Variants in SLAMF6 observed in about 807,000 individuals in gnomAD.
SLAMF6 encodes NK-T-B-antigen.
A neutral mutation model predicts 38.3 loss-of-function variants in SLAMF6; 21 were observed. That is an observed-to-expected ratio of 0.55 (90% confidence interval 0.39 to 0.79). SLAMF6 has a LOEUF of 0.79. SLAMF6 is among the 30% of genes least tolerant of loss of function. The pLI, the probability that SLAMF6 is intolerant of heterozygous loss-of-function variation, is 0.00. For missense variants in SLAMF6, 341 were observed against 385.3 expected (o/e 0.89, Z 0.96); for synonymous variants, 152 against 146.3 (o/e 1.04, Z -0.28).
chr1:160,515,392 G>A (rs1330823977), intron 1 of SLAMF6, among the ~76,000 whole-genome samples: 1 of 152,106 alleles, frequency 6.6e-6, no homozygotes, highest in African/African-American at 2.4e-5. Context: ...AAAAGCCCAG[G>A]ACCAGAAGGA....
intron 1 of SLAMF6, among the ~76,000 whole-genome samples, chr1:160,501,108 A>T (rs1262783694): frequency 1.3e-5 from 2 of 152,216 alleles, no homozygotes; most frequent in Admixed American, 6.5e-5. Context: ...TTGTTTATTC[A>T]TTCTGGTGTT....
intron 1 of SLAMF6, among the ~76,000 whole-genome samples, chr1:160,504,115 G>A (rs1288292611): frequency 6.6e-6 from 1 of 151,864 alleles, no homozygotes; most frequent in Non-Finnish European, 1.5e-5. Flanking sequence ...GTGGAGAGAG[G>A]GAACAGAGAG....
At chr1:160,517,493 C>T (rs1654798278) in intron 1 of SLAMF6, among the ~76,000 whole-genome samples, 1 of 152,130 alleles carries the variant, frequency 6.6e-6, no homozygotes. Flanking sequence ...CCCAGCAATC[C>T]CATTTCTGGG....
At chr1:160,514,984 A>G (rs1654667015) in intron 1 of SLAMF6, among the ~76,000 whole-genome samples, 1 of 152,200 alleles carries the variant, frequency 6.6e-6, no homozygotes, top group African/African-American at 2.4e-5. Flanking sequence ...AAGCTGGCAG[A>G]AGACAAGAAA....
chr1:160,502,160 T>C (rs1461618003), intron 1 of SLAMF6, among the ~76,000 whole-genome samples: 1 of 152,154 alleles, frequency 6.6e-6, no homozygotes, highest in Non-Finnish European at 1.5e-5. Context: ...CCAGCACCCT[T>C]GGCATGGACA....
intron 1 of SLAMF6, among the ~76,000 whole-genome samples, chr1:160,511,595 A>G (rs1274418164): frequency 6.6e-6 from 1 of 152,212 alleles, no homozygotes; most frequent in Non-Finnish European, 1.5e-5. Flanking sequence ...TCACCTAAAT[A>G]TAAGAGCTAA....
chr1:160,507,920 A>G (rs1254974970), intron 1 of SLAMF6, among the ~76,000 whole-genome samples: 1 of 152,120 alleles, frequency 6.6e-6, no homozygotes, highest in African/African-American at 2.4e-5. Context: ...CCTCTGAAAG[A>G]AAGAAGGAAG....
chr1:160,504,445 G>A (rs775211526), intron 1 of SLAMF6, among the ~76,000 whole-genome samples: 70 of 152,168 alleles, frequency 4.6e-4, no homozygotes, highest in African/African-American at 9.4e-4. Flanking sequence ...CCCTTTCCCC[G>A]ATCTTTTTTC....
Position 160,510,722 on chromosome 1 carries a change from G to A in SLAMF6, c.49+12422C>T, listed in dbSNP as rs1252250206. Among the ~76,000 whole-genome samples, 3 of 152,186 alleles carry A rather than the reference G, an allele frequency of 2.0e-5. No individual in the cohort carries two copies. The East Asian group carries it at 5.8e-4, about 29-fold the overall frequency. On this transcript the variant is annotated intron_variant, in intron 1 of 7. Coordinates refer to ENST00000368057, the MANE Select transcript of SLAMF6 (RefSeq NM_001184714.2). ...CACCACTTCTATTTAATATTGAACT[G>A]GAAGTTCTAGCCAGAGCAATTAGGC...
intron 1 of SLAMF6, 88 bp from the exon 2 acceptor site, chr1:160,496,481 G>T: frequency 1.5e-6 from 2 of 1,314,198 alleles, no homozygotes; most frequent in Non-Finnish European, 2.1e-6. Flanking sequence ...CTGCCAGTCT[G>T]TTAGAGCTCT....
At chr1:160,523,033 C>T in intron 1 of SLAMF6, 111 bp downstream of exon 1, 1 of 1,182,826 alleles carries the variant, frequency 8.5e-7, no homozygotes, top group Non-Finnish European at 1.2e-6. Context: ...CTTTCCCGCC[C>T]CAATCCCTTG....
chr1:160,511,975 C>T (rs1440059937), intron 1 of SLAMF6, among the ~76,000 whole-genome samples: 1 of 152,178 alleles, frequency 6.6e-6, no homozygotes, highest in Non-Finnish European at 1.5e-5. Context: ...GGAAACCATG[C>T]TTTTTCCATG....
Position 160,486,822 on chromosome 1 carries a change from A to G in SLAMF6, c.952-68T>C. 8 of 1,550,830 alleles carry G rather than the reference A, an allele frequency of 5.2e-6. No homozygotes were observed. The South Asian group carries it at 5.6e-5, about 11-fold the overall frequency. On this transcript the variant is annotated intron_variant, in intron 7 of 7. Coordinates refer to ENST00000368057, the MANE Select transcript of SLAMF6 (RefSeq NM_001184714.2). ...GAACCTCAGCCCACCCCTCATAACT[A>G]CAGAGAGAGGACTGGAGACTACAGA...
intron 2 of SLAMF6, among the ~76,000 whole-genome samples, chr1:160,491,864 A>G (rs1443425801): frequency 1.3e-5 from 2 of 152,170 alleles, no homozygotes; most frequent in African/African-American, 4.8e-5. Flanking sequence ...GGAAGATGGA[A>G]GCATCACTTC....
intron 2 of SLAMF6, among the ~76,000 whole-genome samples, chr1:160,495,646 C>T (rs747483439): frequency 4.6e-5 from 7 of 152,152 alleles, no homozygotes; most frequent in Admixed American, 1.3e-4. Flanking sequence ...GGAAGTGCTA[C>T]CATTACTATC....
At position 160,491,399 on chromosome 1, in the gene SLAMF6, A is replaced by G. The variant is rs78138518; in HGVS notation, c.383-11T>C. On this transcript the variant is annotated splice_polypyrimidine_tract_variant and intron_variant, in intron 2 of 7. Transcript: ENST00000368057. ...TGTTCCTCAGTTGTCCTGTTTGCAG[A>G]AAAAAAAAAGATCCAGATTAAGGAC... 2.7e-6 allele frequency: 4 copies of G among 1,503,472 alleles called. No individual in the cohort carries two copies. Among genetic ancestry groups the G allele is most frequent in the East Asian group, 2.4e-5 (1 of 42,450 alleles). 93.1% of individuals were successfully genotyped at this position (1,503,472 alleles called of 1,614,324 possible).
chr1:160,511,774 A>G (rs1654484561), intron 1 of SLAMF6, among the ~76,000 whole-genome samples: 1 of 152,170 alleles, frequency 6.6e-6, no homozygotes, highest in African/African-American at 2.4e-5. Context: ...AAGAACGAAA[A>G]CAGTGAGTGA....
Position 160,486,151 on chromosome 1 carries a change from T to A in SLAMF6, c.*556A>T, listed in dbSNP as rs986787526. ...TTATTGGAGCATTTTGAATTTTGGA[T>A]TTTTGGATTTGGATACTCAACCGCT... On this transcript the variant is annotated 3_prime_UTR_variant, in exon 8 of 8. Transcript: ENST00000368057. 3.3e-5 allele frequency: 5 copies of A among 152,440 alleles called. No homozygotes were observed. In the East Asian group the frequency reaches 5.8e-4, roughly 18 times the overall value. The allele number at this position is 152,440 out of a possible 1,614,324, so 9.4% of individuals were successfully genotyped here. A position where few individuals can be genotyped will look rare whatever the true frequency, so the allele number is the denominator to read the frequency against.
intron 4 of SLAMF6, 106 bp from the exon 5 acceptor site, chr1:160,490,342 A>C (rs1290257833): frequency 1.3e-6 from 2 of 1,552,752 alleles, no homozygotes; most frequent in African/African-American, 2.7e-5. Flanking sequence ...CCCAAAAGGA[A>C]GGGCAAGCAG....
Sources: allele counts gnomAD v4.1 joint callset (sites outside exome capture counted in the v4.1 genomes callset), GRCh38; gene constraint gnomAD v4.1.1; transcripts MANE v1.5; gene names NCBI Gene and HGNC (gene_info 2026-07-23, HGNC 2026-07-21).